The following SLC35F3 variants were observed in gnomAD, a reference collection of about 807,000 sequenced individuals.
SLC35F3 encodes putative thiamine transporter SLC35F3.
Under a neutral mutation model 49.9 loss-of-function variants are expected in SLC35F3, and 25 were observed. The ratio of observed to expected loss-of-function variants is 0.50; its 90% confidence interval spans 0.37 to 0.70. The LOEUF is 0.70. Ranked by LOEUF, SLC35F3 falls within the 30% of genes least tolerant of loss-of-function variation. The pLI is 0.00. For missense variants in SLC35F3, 525 were observed against 639.8 expected (o/e 0.82, Z 1.94); for synonymous variants, 275 against 265.4 (o/e 1.04, Z -0.35).
At chr1:233,951,507 A>G (rs759330426) in intron 2 of SLC35F3, among the ~76,000 whole-genome samples, 13 of 151,944 alleles carry the variant, frequency 8.6e-5, no homozygotes, top group Non-Finnish European at 1.6e-4. Context: ...TTGTTTAGAT[A>G]TGTTTAGATG....
chr1:234,170,868 A>G (rs532203433), intron 2 of SLC35F3, among the ~76,000 whole-genome samples: 1 of 152,084 alleles, frequency 6.6e-6, no homozygotes, highest in Non-Finnish European at 1.5e-5. Flanking sequence ...TGCCGTGGGG[A>G]CAGTCGGCCC....
chr1:233,955,590 C>G (rs1462783204), intron 2 of SLC35F3, among the ~76,000 whole-genome samples: 1 of 152,040 alleles, frequency 6.6e-6, no homozygotes, highest in Admixed American at 6.6e-5. Flanking sequence ...TCAGGTCACC[C>G]TTCTGCCCCC....
intron 2 of SLC35F3, among the ~76,000 whole-genome samples, chr1:233,994,031 TATTTAATTGTCACCGTGCA>T (rs1217890056): frequency 1.3e-5 from 2 of 152,168 alleles, no homozygotes; most frequent in Non-Finnish European, 1.5e-5. Flanking sequence ...GGGGGAAAGG[TATTTAATTGTCACCGTGCA>T]ATCTGAGAAT....
intron 2 of SLC35F3, among the ~76,000 whole-genome samples, chr1:234,129,168 A>G (rs1665696506): frequency 6.6e-6 from 1 of 152,224 alleles, no homozygotes; most frequent in African/African-American, 2.4e-5. Context: ...CACCTCCAAC[A>G]GGACTTAAAA....
chr1:233,965,534 G>A (rs1007128028), intron 2 of SLC35F3, among the ~76,000 whole-genome samples: 3 of 152,202 alleles, frequency 2.0e-5, no homozygotes, highest in Non-Finnish European at 4.4e-5. Flanking sequence ...AAGTAAGCAG[G>A]CATTTTGAGG....
intron 2 of SLC35F3, among the ~76,000 whole-genome samples, chr1:233,921,730 G>T (rs1297780608): frequency 6.6e-6 from 1 of 151,872 alleles, no homozygotes; most frequent in African/African-American, 2.4e-5. Flanking sequence ...GTATACATGT[G>T]CCATGTTGGT....
intron 2 of SLC35F3, among the ~76,000 whole-genome samples, chr1:234,198,338 T>C (rs546299588): frequency 6.6e-6 from 1 of 152,376 alleles, no homozygotes; most frequent in South Asian, 2.1e-4. Context: ...CTTTGAATTA[T>C]TATGCATAAT....
intron 3 of SLC35F3, among the ~76,000 whole-genome samples, chr1:234,291,040 G>A (rs184653129): frequency 2.0e-5 from 3 of 152,276 alleles, no homozygotes; most frequent in East Asian, 1.9e-4. Flanking sequence ...CACTGGAGAC[G>A]TGAAAAAGCC....
At chr1:234,080,544 A>G (rs1216908272) in intron 2 of SLC35F3, among the ~76,000 whole-genome samples, 1 of 152,222 alleles carries the variant, frequency 6.6e-6, no homozygotes, top group Non-Finnish European at 1.5e-5. Flanking sequence ...TTATGCAACC[A>G]TTAAAAGGAA....
chr1:233,999,627 G>A (rs550035012), intron 2 of SLC35F3, among the ~76,000 whole-genome samples: 3 of 151,856 alleles, frequency 2.0e-5, no homozygotes, highest in East Asian at 1.9e-4. Flanking sequence ...TATCCCTTCC[G>A]GCCCTGCTCT....
At chr1:234,230,409 T>G (rs1667349863) in intron 2 of SLC35F3, among the ~76,000 whole-genome samples, 1 of 152,066 alleles carries the variant, frequency 6.6e-6, no homozygotes, top group South Asian at 2.1e-4. Flanking sequence ...TCCCCTAGAG[T>G]GAAAATGGCC....
At position 234,214,513 on chromosome 1, in the gene SLC35F3, G is replaced by C; in HGVS notation, c.284-16904G>C. On this transcript the variant is annotated intron_variant, in intron 2 of 7. Transcript: ENST00000366618. This position sits in a 1 kb window ranked among gnomAD's most constrained non-coding sequence, Gnocchi z 8.0. ...GCCGGCTCATCATGAAGAAGCACTCGGCCCGGGTGGCCCCGCTCAGCGCCT... is the reference window on the plus strand; with the variant it reads ...GCCGGCTCATCATGAAGAAGCACTCCGCCCGGGTGGCCCCGCTCAGCGCCT... The C allele has an allele frequency of 6.5e-7, 1 of 1,545,802 alleles. No homozygotes were observed. Among genetic ancestry groups the C allele is most frequent in the Non-Finnish European group, 8.7e-7 (1 of 1,148,324 alleles).
chr1:234,111,731 A>C (rs992634479), intron 2 of SLC35F3, among the ~76,000 whole-genome samples: 1 of 152,244 alleles, frequency 6.6e-6, no homozygotes, highest in Non-Finnish European at 1.5e-5. Context: ...ATTCCAGGCC[A>C]ACAGGAAGAG....
intron 2 of SLC35F3, among the ~76,000 whole-genome samples, chr1:233,944,843 G>A (rs188293052): frequency 3.9e-4 from 57 of 146,524 alleles, no homozygotes; most frequent in Middle Eastern, 3.5e-3. Context: ...AATGATAAAC[G>A]ATGCTCTTAC....
chr1:234,069,484 T>C (rs1164554289), intron 2 of SLC35F3, among the ~76,000 whole-genome samples: 3 of 152,030 alleles, frequency 2.0e-5, no homozygotes, highest in Non-Finnish European at 4.4e-5. Context: ...CTTGATCTTC[T>C]GATCTCATGA....
chr1:234,050,878 C>T (rs1664366464), intron 2 of SLC35F3, among the ~76,000 whole-genome samples: 1 of 152,150 alleles, frequency 6.6e-6, no homozygotes, highest in East Asian at 1.9e-4. Context: ...TTCCCAGCAC[C>T]ATTTATTAAA....
chr1:234,277,160 G>A (rs533354014), intron 3 of SLC35F3, among the ~76,000 whole-genome samples: 56 of 152,350 alleles, frequency 3.7e-4, no homozygotes, highest in African/African-American at 1.2e-3. Context: ...ATCATCCACA[G>A]TCCAATGAGA....
chr1:234,229,868 A>G (rs556658426), intron 2 of SLC35F3, among the ~76,000 whole-genome samples: 22 of 152,338 alleles, frequency 1.4e-4, no homozygotes, highest in African/African-American at 3.8e-4. Flanking sequence ...CACGGTGAGG[A>G]AAGTCAAGAG....
chr1:233,958,768 G>C (rs1365783941), intron 2 of SLC35F3, among the ~76,000 whole-genome samples: 2 of 152,264 alleles, frequency 1.3e-5, no homozygotes, highest in African/African-American at 4.8e-5. Flanking sequence ...TTGGAGAGGA[G>C]AGAGTTAAAG....
Sources: gnomAD v4.1 joint callset for allele counts (sites outside exome capture counted in the v4.1 genomes callset) on GRCh38, gnomAD v4.1.1 for gene constraint, Gnocchi (gnomAD v3.1) non-coding constraint, MANE v1.5 for transcripts, NCBI Gene and HGNC (gene_info 2026-07-23, HGNC 2026-07-21) for gene names.